The following STOM variants were observed in gnomAD, a reference collection of about 807,000 sequenced individuals.
STOM encodes erythrocyte band 7 integral membrane protein.
Under a neutral mutation model 30.6 loss-of-function variants are expected in STOM, and 25 were observed. The ratio of observed to expected loss-of-function variants is 0.82; its 90% CI spans 0.60 to 1.14. The LOEUF is 1.14. STOM is among the 50% of genes most tolerant of loss of function. STOM has a pLI of 0.00. For missense variants in STOM, 292 were observed against 365.2 expected, an observed-to-expected ratio of 0.80 and a Z score of 1.63; for synonymous variants, 118 against 130.8, an observed-to-expected ratio of 0.90 and a Z score of 0.67.
At chr9:121,355,981 C>T in intron 2 of STOM, 72 bp downstream of exon 2, 1 of 1,094,300 alleles carries the variant, frequency 9.1e-7, no homozygotes, top group South Asian at 1.4e-5. Flanking sequence ...CACATACACA[C>T]AGGCACACAC....
chr9:121,349,318 G>A lies in STOM; in HGVS notation c.327C>T (p.Leu109=). The A allele has an allele frequency of 6.2e-7, 1 of 1,613,984 alleles. No homozygotes were observed. Among genetic ancestry groups the A allele is most frequent in the Non-Finnish European group, 8.5e-7 (1 of 1,179,902 alleles). ...ISFDIPPQEI[L]TKDSVTISVD... is the part of the protein sequence containing the mutation. ...CGCTAATTGTCACTGAATCCTTTGT[G>A]AGGATCTACAAGATGAAGGAAGCAA... Residue 109 remains leucine (L), a synonymous_variant, in exon 5 of 7, where the codon CTC becomes CTT. Coordinates refer to ENST00000286713, the MANE Select transcript of STOM (RefSeq NM_004099.6).
intron 1 of STOM, among the ~76,000 whole-genome samples, chr9:121,365,894 C>T (rs2064498720): frequency 6.6e-6 from 1 of 152,132 alleles, no homozygotes; most frequent in South Asian, 2.1e-4. Flanking sequence ...AAGTGAATTA[C>T]CTTTTGGGAT....
intron 3 of STOM, among the ~76,000 whole-genome samples, 168 bp from the exon 4 acceptor site, chr9:121,353,470 C>G (rs2134032131): frequency 6.6e-6 from 1 of 152,346 alleles, no homozygotes; most frequent in East Asian, 1.9e-4. Context: ...TTACTTCCCA[C>G]ATTTGACTGT....
chr9:121,341,243 G>T lies in STOM; in HGVS notation c.826C>A (p.Leu276Met). The change falls in exon 7 of 7, where the codon CTG becomes ATG. Residue 276 changes from leucine (L) to methionine (M), a missense_variant. Leu to Met is a conservative substitution (Grantham distance 15, BLOSUM62 2). Transcript: ENST00000286713. ...TIVFPLPIDM[L>M]QGIIGAKHSH... ...TGTTTTGCCCCTATGATTCCTTGCA[G>T]CATATCTATGGGCAGAGGGAAGACA... 1 of 1,614,136 alleles carries T rather than the reference G, an allele frequency of 6.2e-7. No homozygotes were observed. Among genetic ancestry groups the T allele is most frequent in the Non-Finnish European group, 8.5e-7 (1 of 1,180,032 alleles).
At chr9:121,362,198 T>C (rs2064460102) in intron 1 of STOM, among the ~76,000 whole-genome samples, 1 of 152,206 alleles carries the variant, frequency 6.6e-6, no homozygotes, top group African/African-American at 2.4e-5. Flanking sequence ...AATTGCTTTT[T>C]TACTTTAAAA....
intron 1 of STOM, 135 bp from the exon 2 acceptor site, chr9:121,356,291 T>G (rs1404143356): frequency 3.0e-6 from 2 of 661,408 alleles, no homozygotes; most frequent in East Asian, 5.5e-5. Context: ...CCCCATCTAA[T>G]CCTCATACAG....
intron 1 of STOM, among the ~76,000 whole-genome samples, chr9:121,368,642 T>C (rs932113632): frequency 1.3e-5 from 2 of 152,034 alleles, no homozygotes; most frequent in African/African-American, 2.4e-5. Context: ...AATATATACA[T>C]AAAATACGTG....
intron 1 of STOM, among the ~76,000 whole-genome samples, chr9:121,357,433 ATATATATT>A (rs200863906): frequency 0.036 from 4,355 of 122,296 alleles, 355 homozygotes; most frequent in Non-Finnish European, 0.051. Context: ...TGATATATAT[ATATATATT>A]TATTTATTTA....
rs1378442772 is a variant in STOM at position 121,339,066 on chromosome 9, C to A, written c.*2136G>T. The stretch of plus-strand genomic sequence containing the variant: ...CAATACAGGCCGAAACAGACTCTCA[C>A]CCCAAAAATATTAGTGAAAGTGCAT... On this transcript the variant is annotated 3_prime_UTR_variant, in exon 7 of 7. Transcript: ENST00000286713. 1 of 152,258 alleles carries A rather than the reference C, an allele frequency of 6.6e-6. No individual in the cohort carries two copies. Among genetic ancestry groups the A allele is most frequent in the African/African-American group, 2.4e-5 (1 of 41,454 alleles). The allele number at this position is 152,258 out of a possible 1,614,324, so 9.4% of individuals were successfully genotyped here. A position where few individuals can be genotyped will look rare whatever the true frequency, so the allele number is the denominator to read the frequency against.
chr9:121,365,124 TG>T lies in STOM; in HGVS notation c.61+5002del, dbSNP rs542102812. ...TAGTTGCTGGATGAGTTGAGTGTGT[TG>T]TTTTTTTGGGGAAAAGAAAAAAAAA... On this transcript the variant is annotated intron_variant, in intron 1 of 6. Transcript: ENST00000286713. Among the ~76,000 whole-genome samples the T allele has an allele frequency of 5.4e-3, 823 of 152,186 alleles. 9 individuals carry two copies. The highest frequency in any genetic ancestry group is 8.2e-3 in the Non-Finnish European group (559 of 67,964).
intron 1 of STOM, among the ~76,000 whole-genome samples, chr9:121,366,799 G>A (rs2064507815): frequency 6.6e-6 from 1 of 152,028 alleles, no homozygotes; most frequent in Non-Finnish European, 1.5e-5. Context: ...TTTCAAAAGT[G>A]TGGTCTAAAG....
chr9:121,347,225 C>T (rs1376959331), intron 6 of STOM, among the ~76,000 whole-genome samples: 2 of 152,160 alleles, frequency 1.3e-5, no homozygotes, highest in Non-Finnish European at 2.9e-5. Context: ...TGACTAGTTC[C>T]CTGAACTGCC....
chr9:121,355,244 A>T (rs1322166083), intron 2 of STOM, among the ~76,000 whole-genome samples: 2 of 148,258 alleles, frequency 1.3e-5, no homozygotes, highest in African/African-American at 4.9e-5. Flanking sequence ...AAAAAAAAAA[A>T]AAAAAATAAT....
At position 121,341,412 on chromosome 9, in the gene STOM, T is replaced by C. The variant is rs770528024; in HGVS notation, c.661-4A>G. 1.9e-6 allele frequency: 3 copies of C among 1,612,434 alleles called. No homozygotes were observed. The highest frequency in any genetic ancestry group is 1.3e-5 in the African/African-American group (1 of 74,846). On this transcript the variant is annotated splice_polypyrimidine_tract_variant and splice_region_variant and intron_variant, in intron 6 of 6. Coordinates refer to ENST00000286713, the MANE Select transcript of STOM (RefSeq NM_004099.6). ...TTTCTCCTTCGGCTGCAATAACCTATGGACAGGTGAAAGGAGGGGTTGAAC... is the reference window on the plus strand; with the variant it reads ...TTTCTCCTTCGGCTGCAATAACCTACGGACAGGTGAAAGGAGGGGTTGAAC...
intron 6 of STOM, among the ~76,000 whole-genome samples, chr9:121,343,819 A>C (rs2064266824): frequency 6.6e-6 from 1 of 152,188 alleles, no homozygotes; most frequent in African/African-American, 2.4e-5. Context: ...GATTTTAAGC[A>C]GGTAAGTAAA....
At chr9:121,345,683 G>C (rs1255450962) in intron 6 of STOM, among the ~76,000 whole-genome samples, 4 of 152,184 alleles carry the variant, frequency 2.6e-5, no homozygotes, top group Non-Finnish European at 5.9e-5. Flanking sequence ...CCCCGTCCAA[G>C]TGGGAGCATG....
At chr9:121,346,626 T>C (rs974143673) in intron 6 of STOM, among the ~76,000 whole-genome samples, 2 of 152,228 alleles carry the variant, frequency 1.3e-5, no homozygotes, top group African/African-American at 2.4e-5. Context: ...ATAGGGCACA[T>C]TTAATAACAT....
chr9:121,347,739 G>A (rs1452691792), intron 6 of STOM, among the ~76,000 whole-genome samples: 4 of 152,156 alleles, frequency 2.6e-5, no homozygotes, highest in African/African-American at 9.7e-5. Context: ...GAAAAAAGCA[G>A]AGCGCAGAAC....
rs533218207 is a variant in STOM, at chr9:121,347,984, G to A, written c.660+31C>T. 6.8e-5 allele frequency: 108 copies of A among 1,578,242 alleles called. No homozygotes were observed. The South Asian group carries it at 1.1e-3, about 17-fold the overall frequency. ...AATTATTAATAAAAGAGAAAACTCA[G>A]TAAGAAAAACAAGTTTAAAAAAAAA... is the stretch of plus-strand genomic sequence containing the variant. On this transcript the variant is annotated intron_variant, in intron 6 of 6. Coordinates refer to ENST00000286713, the MANE Select transcript of STOM (RefSeq NM_004099.6).
Sources: allele counts gnomAD v4.1 joint callset (sites outside exome capture counted in the v4.1 genomes callset), GRCh38; gene constraint gnomAD v4.1.1; transcripts MANE v1.5; gene names NCBI Gene and HGNC (gene_info 2026-07-23, HGNC 2026-07-21).